The following ANK2 variants were observed in gnomAD, a reference collection of about 807,000 sequenced individuals.
ANK2 encodes ankyrin-2.
Under a neutral mutation model 360.5 loss-of-function variants are expected in ANK2, and 83 were observed. That is an observed-to-expected ratio of 0.23 (90% CI 0.19 to 0.28). The LOEUF (loss-of-function observed/expected upper bound fraction) is 0.28. Among genes scored for constraint, ANK2 ranks in the 10% least tolerant of loss-of-function variants. The pLI, the probability that ANK2 is intolerant of heterozygous loss-of-function variation, is 1.00. For missense variants in ANK2, 4,201 were observed against 4,795.7 expected, an observed-to-expected ratio of 0.88 and a Z score of 3.66; for synonymous variants, 1,740 against 1,759.5, an observed-to-expected ratio of 0.99 and a Z score of 0.28.
chr4:112,973,871 G>A (rs952759030), intron 2 of ANK2, among the ~76,000 whole-genome samples: 3 of 152,104 alleles, frequency 2.0e-5, no homozygotes, highest in African/African-American at 4.8e-5. Context: ...GATAGATGGC[G>A]GAAAGTAAGG....
intron 1 of ANK2, among the ~76,000 whole-genome samples, chr4:113,109,154 G>C (rs1268300665): frequency 6.6e-6 from 1 of 152,062 alleles, no homozygotes; most frequent in East Asian, 1.9e-4. Flanking sequence ...AAATAAATCT[G>C]TACTCAAAGA....
chr4:113,060,224 T>A (rs1225683664), intron 1 of ANK2, among the ~76,000 whole-genome samples: 7 of 152,136 alleles, frequency 4.6e-5, no homozygotes, highest in Non-Finnish European at 8.8e-5. Context: ...AATGGAACAA[T>A]TTATTTATAG....
At chr4:113,107,616 A>C (rs1476006449) in intron 1 of ANK2, among the ~76,000 whole-genome samples, 1 of 152,184 alleles carries the variant, frequency 6.6e-6, no homozygotes, top group African/African-American at 2.4e-5. Context: ...CACACACACT[A>C]TCTCTGGGGA....
chr4:112,767,260 A>T, the ANK2 span, among the ~76,000 whole-genome samples: 1 of 152,246 alleles, frequency 6.6e-6, no homozygotes, highest in Non-Finnish European at 1.5e-5. Context: ...TTCTAAAATG[A>T]GGGGCAGACA....
the ANK2 span, among the ~76,000 whole-genome samples, chr4:112,724,100 T>C: frequency 6.6e-6 from 1 of 150,898 alleles, no homozygotes; most frequent in African/African-American, 2.4e-5. Flanking sequence ...AGTGTCGCTC[T>C]GTCACCCAGG....
At chr4:113,073,510 G>A (rs1277970597) in intron 1 of ANK2, among the ~76,000 whole-genome samples, 4 of 152,034 alleles carry the variant, frequency 2.6e-5, no homozygotes, top group East Asian at 1.9e-4. Flanking sequence ...AGCCTGAAGC[G>A]TAGAAAGAAT....
intron 2 of ANK2, among the ~76,000 whole-genome samples, chr4:112,927,333 C>T (rs1331383295): frequency 6.6e-6 from 1 of 152,182 alleles, no homozygotes; most frequent in Non-Finnish European, 1.5e-5. Flanking sequence ...TATGACTTTA[C>T]CATTTTGAAA....
chr4:112,940,737 A>G (rs1054154545), intron 2 of ANK2, among the ~76,000 whole-genome samples: 2 of 152,144 alleles, frequency 1.3e-5, no homozygotes, highest in African/African-American at 4.8e-5. Context: ...GAAGGAATCT[A>G]TTGCAAATCT....
At chr4:113,073,757 A>G (rs757510269) in intron 1 of ANK2, among the ~76,000 whole-genome samples, 6 of 152,188 alleles carry the variant, frequency 3.9e-5, no homozygotes, top group East Asian at 3.8e-4. Context: ...CCTGCTGATC[A>G]TCGACGGCTG....
chr4:113,267,433 G>A (rs139454423), intron 14 of ANK2, among the ~76,000 whole-genome samples: 317 of 152,286 alleles, frequency 2.1e-3, no homozygotes, highest in African/African-American at 7.2e-3. Context: ...TGTATAAGAC[G>A]TAAGAGAGGG....
At chr4:113,321,936 T>C (rs556445788) in intron 26 of ANK2, among the ~76,000 whole-genome samples, 3 of 152,278 alleles carry the variant, frequency 2.0e-5, no homozygotes, top group African/African-American at 7.2e-5. Flanking sequence ...GTTCGCCAGT[T>C]AGCCAGGCTG....
At chr4:113,043,414 T>C (rs930204509) in intron 2 of ANK2, among the ~76,000 whole-genome samples, 10 of 151,658 alleles carry the variant, frequency 6.6e-5, no homozygotes, top group Non-Finnish European at 1.5e-4. Flanking sequence ...CCCAACTCTG[T>C]GTACATTCCA....
At chr4:112,850,982 G>A (rs1405156999) in intron 1 of ANK2, among the ~76,000 whole-genome samples, 2 of 152,110 alleles carry the variant, frequency 1.3e-5, no homozygotes, top group Admixed American at 1.3e-4. Flanking sequence ...GCAACACCAT[G>A]TATGATTTCG....
At chr4:112,717,673 A>C in the ANK2 span, among the ~76,000 whole-genome samples, 2 of 152,212 alleles carry the variant, frequency 1.3e-5, no homozygotes, top group Non-Finnish European at 2.9e-5. Context: ...ATATCTAACA[A>C]GCCAATATGC....
intron 1 of ANK2, among the ~76,000 whole-genome samples, chr4:112,860,486 G>C (rs2067665222): frequency 6.6e-6 from 1 of 152,000 alleles, no homozygotes; most frequent in South Asian, 2.1e-4. Flanking sequence ...TTGAACACTA[G>C]AAAAAAACTG....
intron 14 of ANK2, among the ~76,000 whole-genome samples, chr4:113,272,404 A>G (rs532688733): frequency 2.0e-5 from 3 of 152,276 alleles, no homozygotes; most frequent in South Asian, 2.1e-4. Flanking sequence ...CACTTCCCCA[A>G]TTCTTTTCCC....
At chr4:112,711,677 G>C in the ANK2 span, among the ~76,000 whole-genome samples, 1 of 151,722 alleles carries the variant, frequency 6.6e-6, no homozygotes, top group Admixed American at 6.6e-5. Flanking sequence ...AAAATTAGCC[G>C]GGTGTAGTGG....
intron 1 of ANK2, among the ~76,000 whole-genome samples, chr4:113,068,541 G>A (rs1039749431): frequency 2.6e-5 from 4 of 152,114 alleles, no homozygotes; most frequent in African/African-American, 9.7e-5. Flanking sequence ...ATTGTACAGC[G>A]AAGCACTTAA....
intron 1 of ANK2, among the ~76,000 whole-genome samples, chr4:113,076,286 C>T (rs1314449615): frequency 2.0e-5 from 3 of 152,178 alleles, no homozygotes; most frequent in East Asian, 1.9e-4. Context: ...CATCCTTGGC[C>T]GCATGTGGCC....
Sources: gnomAD v4.1 joint callset for allele counts (sites outside exome capture counted in the v4.1 genomes callset) on GRCh38, gnomAD v4.1.1 for gene constraint, MANE v1.5 for transcripts, NCBI Gene and HGNC (gene_info 2026-07-23, HGNC 2026-07-21) for gene names.